SPATS2: variants seen among roughly 807,000 people sequenced by gnomAD.
SPATS2 encodes spermatogenesis associated serine rich 2.
A neutral mutation model predicts 63.7 loss-of-function variants in SPATS2; 38 were observed. The ratio of observed to expected loss-of-function variants is 0.60; its 90% CI spans 0.46 to 0.78. The LOEUF is 0.78. Among genes scored for constraint, SPATS2 ranks in the 30% least tolerant of loss-of-function variants. SPATS2 has a pLI of 0.00. For missense variants in SPATS2, 588 were observed against 666.2 expected (o/e 0.88, Z 1.29); for synonymous variants, 207 against 232.9 (o/e 0.89, Z 1.01).
intron 2 of SPATS2, among the ~76,000 whole-genome samples, chr12:49,405,067 C>T (rs1944671621): frequency 6.6e-6 from 1 of 151,284 alleles, no homozygotes; most frequent in Admixed American, 6.6e-5. Flanking sequence ...GTATGGCTTG[C>T]AAAGCCTAAA....
chr12:49,418,851 A>C (rs370668892), intron 2 of SPATS2, among the ~76,000 whole-genome samples: 25 of 152,352 alleles, frequency 1.6e-4, no homozygotes, highest in African/African-American at 5.8e-4. Context: ...GAAGAATCAG[A>C]AAACAAAGTT....
At chr12:49,462,585 T>G in intron 3 of SPATS2, 1 of 610,508 alleles carries the variant, frequency 1.6e-6, no homozygotes, top group Admixed American at 2.7e-5. Context: ...GCTCCTGAGC[T>G]CTTGTCTGGT....
intron 2 of SPATS2, among the ~76,000 whole-genome samples, chr12:49,402,443 G>C (rs2137305472): frequency 6.6e-6 from 1 of 152,268 alleles, no homozygotes. Flanking sequence ...GATACAGAAT[G>C]GTGATTGGAG....
chr12:49,369,392 T>G (rs116421206), intron 1 of SPATS2, among the ~76,000 whole-genome samples: 1,814 of 152,310 alleles, frequency 0.012, 34 homozygotes, highest in African/African-American at 0.035. Context: ...TTTGTATGTA[T>G]TATCTCATTC....
chr12:49,382,165 C>T (rs1362624516), intron 2 of SPATS2, among the ~76,000 whole-genome samples: 1 of 152,218 alleles, frequency 6.6e-6, no homozygotes, highest in Non-Finnish European at 1.5e-5. Context: ...TTGGTGACTC[C>T]TCAAACCTCA....
At chr12:49,486,373 GT>G in intron 4 of SPATS2, 1 of 315,148 alleles carries the variant, frequency 3.2e-6, no homozygotes, top group Non-Finnish European at 6.3e-6. Context: ...GCCTGGCTAA[GT>G]TTTTATATTT....
chr12:49,384,434 A>G (rs958284032), intron 2 of SPATS2, among the ~76,000 whole-genome samples: 6 of 152,160 alleles, frequency 3.9e-5, no homozygotes, highest in Non-Finnish European at 7.3e-5. Flanking sequence ...TTCCCCATAC[A>G]TGGTACTGTT....
At chr12:49,398,597 A>G (rs1248795986) in intron 2 of SPATS2, among the ~76,000 whole-genome samples, 1 of 152,212 alleles carries the variant, frequency 6.6e-6, no homozygotes, top group Non-Finnish European at 1.5e-5. Flanking sequence ...CACTATGGGA[A>G]GAAGGACAGG....
intron 1 of SPATS2, 87 bp from the exon 2 acceptor site, chr12:49,371,141 C>T (rs1943991432): frequency 6.6e-6 from 1 of 152,236 alleles, no homozygotes; most frequent in African/African-American, 2.4e-5. Flanking sequence ...CCATCACCAC[C>T]ATCCATCTTG....
At chr12:49,427,932 TTTCA>T (rs921083771) in intron 2 of SPATS2, among the ~76,000 whole-genome samples, 14 of 152,016 alleles carry the variant, frequency 9.2e-5, no homozygotes, top group Middle Eastern at 3.2e-3. Flanking sequence ...CAACTTTTTC[TTTCA>T]TTTTTTTTTT....
Position 49,522,865 on chromosome 12 carries a change from A to G in SPATS2, c.1111+12A>G. ...TTCATTTGGACAAGGTGAGATGGTG[A>G]GAGGGTCTGGGCACTACAGGTGGTG... is the stretch of plus-strand genomic sequence containing the variant. On this transcript the variant is annotated intron_variant, in intron 12 of 13. Transcript: ENST00000552918. The G allele has an allele frequency of 6.2e-7, 1 of 1,609,482 alleles. No homozygotes were observed. The highest frequency in any genetic ancestry group is 8.5e-7 in the Non-Finnish European group (1 of 1,176,344).
At chr12:49,467,044 GTTTTTTTTTTTT>G (rs59350335) in intron 3 of SPATS2, among the ~76,000 whole-genome samples, 2 of 75,778 alleles carry the variant, frequency 2.6e-5, no homozygotes, top group Admixed American at 1.4e-4. Context: ...TTTGTTCTTT[GTTTTTTTTTTTT>G]TTTTTTTTTT....
At chr12:49,509,273 CTTTTTTTTTT>C (rs1186617900) in intron 9 of SPATS2, among the ~76,000 whole-genome samples, 5 of 77,806 alleles carry the variant, frequency 6.4e-5, no homozygotes, top group South Asian at 4.4e-4. Context: ...GTTCTAACTT[CTTTTTTTTTT>C]TTTTTTTTTT....
At chr12:49,438,585 C>G (rs2137537370) in intron 2 of SPATS2, among the ~76,000 whole-genome samples, 1 of 152,208 alleles carries the variant, frequency 6.6e-6, no homozygotes, top group Admixed American at 6.5e-5. Context: ...ACATCCTGAC[C>G]AAACTTGGTA....
At chr12:49,435,461 G>A (rs1018468543) in intron 2 of SPATS2, among the ~76,000 whole-genome samples, 2 of 151,674 alleles carry the variant, frequency 1.3e-5, no homozygotes, top group Non-Finnish European at 2.9e-5. Flanking sequence ...GAGTAGCTGG[G>A]ACTACATGCA....
chr12:49,489,483 A>G lies in SPATS2; in HGVS notation c.124A>G (p.Ile42Val), dbSNP rs138961818. The change falls in exon 5 of 14, where the codon ATA (isoleucine) becomes GTA (valine). Residue 42 changes from isoleucine to valine, a missense_variant. Transcript: ENST00000552918. ...MKEKINAVRA[I>V]VPNKSNNEII... ...TTTCCAGATAAATGCGGTACGTGCA[A>G]TAGTTCCTAATAAGAGCAACAATGA... 1.9e-4 allele frequency: 308 copies of G among 1,613,774 alleles called. 1 individual carries two copies. In the African/African-American group the frequency reaches 3.8e-3, roughly 20 times the overall value.
At chr12:49,429,558 G>A (rs1234266517) in intron 2 of SPATS2, among the ~76,000 whole-genome samples, 1 of 152,018 alleles carries the variant, frequency 6.6e-6, no homozygotes, top group Non-Finnish European at 1.5e-5. Flanking sequence ...CGATTCTCCT[G>A]CCTCAGCCTC....
intron 2 of SPATS2, among the ~76,000 whole-genome samples, chr12:49,444,583 A>G (rs1454246523): frequency 6.6e-6 from 1 of 152,004 alleles, no homozygotes; most frequent in East Asian, 1.9e-4. Flanking sequence ...GTTTATTGCT[A>G]GTATATAGAT....
At chr12:49,402,202 A>AGGGGTTGTATTTAATC (rs1295692257) in intron 2 of SPATS2, among the ~76,000 whole-genome samples, 1 of 152,124 alleles carries the variant, frequency 6.6e-6, no homozygotes, top group Non-Finnish European at 1.5e-5. Flanking sequence ...TTTTCTTAAC[A>AGGGGTTGTATTTAATC]GGGGTTGTAT....
Sources: gnomAD v4.1 joint callset for allele counts (sites outside exome capture counted in the v4.1 genomes callset) on GRCh38, gnomAD v4.1.1 for gene constraint, MANE v1.5 for transcripts, NCBI Gene and HGNC (gene_info 2026-07-23, HGNC 2026-07-21) for gene names.